The following MACROD2 variants were observed in gnomAD, a reference collection of about 807,000 sequenced individuals.
The protein encoded by MACROD2 is ADP-ribose glycohydrolase MACROD2.
A neutral mutation model predicts 70.4 loss-of-function variants in MACROD2; 36 were observed. The observed-to-expected ratio is 0.51, with a 90% CI of 0.39 to 0.68. The LOEUF (loss-of-function observed/expected upper bound fraction) is 0.68, where lower values mean the gene tolerates loss of function less well. Among genes scored for constraint, MACROD2 ranks in the 30% least tolerant of loss-of-function variants. The pLI is 0.00. For missense variants in MACROD2, 496 were observed against 538.4 expected (o/e 0.92, Z 0.78); for synonymous variants, 172 against 178.8 (o/e 0.96, Z 0.30).
chr20:15,593,528 A>G (rs2048706333), intron 8 of MACROD2, among the ~76,000 whole-genome samples: 1 of 152,234 alleles, frequency 6.6e-6, no homozygotes, highest in South Asian at 2.1e-4. Context: ...ATTACTTGCA[A>G]TAGTCCCCGT....
intron 4 of MACROD2, among the ~76,000 whole-genome samples, chr20:14,646,050 A>G (rs758996549): frequency 2.0e-5 from 3 of 150,246 alleles, no homozygotes; most frequent in Non-Finnish European, 4.5e-5. Flanking sequence ...ATAAGTTATA[A>G]GAAATACCAT....
intron 5 of MACROD2, among the ~76,000 whole-genome samples, chr20:15,111,418 C>T (rs1223879089): frequency 6.6e-6 from 1 of 152,108 alleles, no homozygotes; most frequent in African/African-American, 2.4e-5. Flanking sequence ...GATCCACCCA[C>T]CTTGGCCTCC....
chr20:15,027,498 T>C (rs963929212), intron 5 of MACROD2, among the ~76,000 whole-genome samples: 2 of 151,834 alleles, frequency 1.3e-5, no homozygotes, highest in Non-Finnish European at 2.9e-5. Context: ...AGACACTTAA[T>C]CTATTTTAGC....
In MACROD2 at chr20:15,375,797, A is replaced by G. The variant is rs137883603; in HGVS notation, c.541-55608A>G. ...ATAGTTTTAGCATCTAAACTAGCCT[A>G]AAAAGGGCTAGTTTTAGGCCCTTTT... On this transcript the variant is annotated intron_variant, in intron 6 of 17. Transcript: ENST00000684519. Among the ~76,000 whole-genome samples, 1,065 of 152,286 alleles carry G rather than the reference A, an allele frequency of 7.0e-3. 13 individuals carry two copies. Among genetic ancestry groups the G allele is most frequent in the Middle Eastern group, 0.041 (12 of 294 alleles).
chr20:14,804,779 C>G (rs2122152110), intron 5 of MACROD2, among the ~76,000 whole-genome samples: 1 of 152,068 alleles, frequency 6.6e-6, no homozygotes, highest in East Asian at 1.9e-4. Context: ...GCTAATCTTT[C>G]CCAATTTCCT....
At chr20:15,052,679 A>G (rs993132123) in intron 5 of MACROD2, among the ~76,000 whole-genome samples, 10 of 152,178 alleles carry the variant, frequency 6.6e-5, no homozygotes, top group Non-Finnish European at 1.0e-4. Flanking sequence ...AGACATGACA[A>G]TATTGAAACC....
chr20:14,927,606 A>G (rs76579799), intron 5 of MACROD2, among the ~76,000 whole-genome samples: 1,647 of 152,278 alleles, frequency 0.011, 32 homozygotes, highest in East Asian at 0.057. Context: ...CTCCACATTC[A>G]TTACAGGCTA....
At chr20:15,458,132 T>G (rs1236260384) in intron 7 of MACROD2, among the ~76,000 whole-genome samples, 1 of 152,162 alleles carries the variant, frequency 6.6e-6, no homozygotes, top group Non-Finnish European at 1.5e-5. Flanking sequence ...AAATATGAAT[T>G]ATGCTATATA....
At chr20:14,164,875 A>T (rs1278367827) in intron 3 of MACROD2, among the ~76,000 whole-genome samples, 1 of 152,144 alleles carries the variant, frequency 6.6e-6, no homozygotes, top group African/African-American at 2.4e-5. Context: ...GCTGGGACGC[A>T]TGCACTTTGC....
chr20:14,241,420 A>G (rs190906312), intron 3 of MACROD2, among the ~76,000 whole-genome samples: 6 of 152,286 alleles, frequency 3.9e-5, no homozygotes, highest in Middle Eastern at 3.4e-3. Flanking sequence ...TTTTATGATA[A>G]CAACATGAAC....
intron 3 of MACROD2, among the ~76,000 whole-genome samples, chr20:14,473,957 A>T (rs2084560054): frequency 6.6e-6 from 1 of 152,020 alleles, no homozygotes; most frequent in Non-Finnish European, 1.5e-5. Context: ...TCTTTTGGGA[A>T]ATGCTTCTTC....
intron 3 of MACROD2, among the ~76,000 whole-genome samples, chr20:14,100,036 G>C (rs940616497): frequency 6.6e-6 from 1 of 151,922 alleles, no homozygotes; most frequent in East Asian, 1.9e-4. Context: ...AGTTCCTATT[G>C]AGTTCATGAA....
chr20:15,914,412 G>A (rs2065281999), intron 10 of MACROD2, among the ~76,000 whole-genome samples: 1 of 152,108 alleles, frequency 6.6e-6, no homozygotes, highest in South Asian at 2.1e-4. Flanking sequence ...AAGGCAGTTG[G>A]GCCAGGTTTA....
chr20:15,860,805 T>C (rs1418136729), intron 8 of MACROD2, among the ~76,000 whole-genome samples: 1 of 152,168 alleles, frequency 6.6e-6, no homozygotes, highest in Non-Finnish European at 1.5e-5. Flanking sequence ...TTATGTGCGA[T>C]ATTCCTGAGG....
chr20:15,919,363 T>G (rs1404491034), intron 10 of MACROD2, among the ~76,000 whole-genome samples: 1 of 152,212 alleles, frequency 6.6e-6, no homozygotes, highest in East Asian at 1.9e-4. Flanking sequence ...CTTACATTGA[T>G]TTGTCTAAAA....
chr20:15,609,708 G>A (rs2048940670), intron 8 of MACROD2, among the ~76,000 whole-genome samples: 1 of 152,194 alleles, frequency 6.6e-6, no homozygotes, highest in Admixed American at 6.5e-5. Flanking sequence ...AACTGCTACT[G>A]TTTTCATTGG....
intron 8 of MACROD2, among the ~76,000 whole-genome samples, chr20:15,803,973 T>C (rs2063747508): frequency 6.6e-6 from 1 of 152,238 alleles, no homozygotes; most frequent in South Asian, 2.1e-4. Context: ...CAGTTTTTGG[T>C]TTAAAAGATT....
chr20:14,246,598 A>G (rs1382478289), intron 3 of MACROD2, among the ~76,000 whole-genome samples: 1 of 152,172 alleles, frequency 6.6e-6, no homozygotes, highest in East Asian at 1.9e-4. Flanking sequence ...AGGTAGTCTC[A>G]ACCTTCCGGA....
At chr20:15,852,014 G>A (rs190671763) in intron 8 of MACROD2, among the ~76,000 whole-genome samples, 12 of 152,282 alleles carry the variant, frequency 7.9e-5, no homozygotes, top group Middle Eastern at 3.4e-3. Flanking sequence ...TCATCTCTTT[G>A]GATACAAGGG....
Sources: allele counts gnomAD v4.1 joint callset (sites outside exome capture counted in the v4.1 genomes callset), GRCh38; gene constraint gnomAD v4.1.1; transcripts MANE v1.5; gene names NCBI Gene and HGNC (gene_info 2026-07-23, HGNC 2026-07-21).